LURAP1L: variants seen among roughly 807,000 people sequenced by gnomAD.
LURAP1L encodes leucine rich adaptor protein 1 like.
Under a neutral mutation model 13.8 loss-of-function variants are expected in LURAP1L, and 12 were observed. The ratio of observed to expected loss-of-function variants is 0.87; its 90% CI spans 0.56 to 1.41. The LOEUF is 1.41. Ranked by LOEUF, LURAP1L falls within the 40% of genes most tolerant of loss-of-function variation. LURAP1L has a pLI of 0.00. For synonymous variants in LURAP1L, 139 were observed against 119.2 expected, an observed-to-expected ratio of 1.17 and a Z score of -1.08; for missense variants, 375 against 292.9, an observed-to-expected ratio of 1.28 and a Z score of -2.04.
chr9:12,821,855 A>T lies in LURAP1L; in HGVS notation c.*95A>T, dbSNP rs528300337. 3 of 1,435,700 alleles carry T rather than the reference A, an allele frequency of 2.1e-6. No individual in the cohort carries two copies. The South Asian group carries it at 4.2e-5, about 20-fold the overall frequency. 88.9% of individuals were successfully genotyped at this position (1,435,700 alleles called of 1,614,324 possible). On this transcript the variant is annotated 3_prime_UTR_variant, in exon 2 of 2. Coordinates refer to ENST00000319264, the MANE Select transcript of LURAP1L (RefSeq NM_203403.2). ...TTGGTGTGATTTTTATTTTAATAAG[A>T]TGACCTTTTTAAAAGAAGCTGATTT...
At chr9:12,786,914 T>C (rs921161298) in intron 1 of LURAP1L, among the ~76,000 whole-genome samples, 3 of 151,996 alleles carry the variant, frequency 2.0e-5, no homozygotes, top group Admixed American at 1.3e-4. Flanking sequence ...CCTGATACAA[T>C]TGGACCCATC....
chr9:12,787,764 G>T (rs577078824), intron 1 of LURAP1L, among the ~76,000 whole-genome samples: 2 of 152,214 alleles, frequency 1.3e-5, no homozygotes, highest in Admixed American at 1.3e-4. Flanking sequence ...CACCGCGTGT[G>T]CCTGAAAGTC....
intron 1 of LURAP1L, among the ~76,000 whole-genome samples, chr9:12,799,529 A>C (rs1819555294): frequency 6.6e-6 from 1 of 152,224 alleles, no homozygotes; most frequent in Admixed American, 6.5e-5. Flanking sequence ...ACAAATTGTC[A>C]GTTTAATTAA....
intron 1 of LURAP1L, among the ~76,000 whole-genome samples, chr9:12,819,074 C>T (rs1819840278): frequency 6.6e-6 from 1 of 152,126 alleles, no homozygotes; most frequent in Non-Finnish European, 1.5e-5. Context: ...TCAGAAACCT[C>T]CTTCCTCAAC....
chr9:12,801,626 G>C (rs1049532132), intron 1 of LURAP1L, among the ~76,000 whole-genome samples: 2 of 152,154 alleles, frequency 1.3e-5, no homozygotes, highest in Non-Finnish European at 2.9e-5. Context: ...ATTTAAAACA[G>C]TATGTTTAGG....
intron 1 of LURAP1L, among the ~76,000 whole-genome samples, chr9:12,779,252 T>A (rs1055890409): frequency 2.7e-5 from 4 of 150,778 alleles, no homozygotes; most frequent in Admixed American, 6.6e-5. Context: ...ATTATCCCGT[T>A]GAAATCTTAT....
At chr9:12,797,676 T>C (rs2118504774) in intron 1 of LURAP1L, among the ~76,000 whole-genome samples, 1 of 152,290 alleles carries the variant, frequency 6.6e-6, no homozygotes, top group South Asian at 2.1e-4. Context: ...GATTTTATTT[T>C]AACTTCAGAA....
intron 1 of LURAP1L, among the ~76,000 whole-genome samples, chr9:12,782,975 A>T (rs1819293133): frequency 6.6e-6 from 1 of 152,004 alleles, no homozygotes; most frequent in Non-Finnish European, 1.5e-5. Flanking sequence ...ATTTGCAGTT[A>T]TTTTAAATGG....
intron 1 of LURAP1L, among the ~76,000 whole-genome samples, chr9:12,793,632 G>C (rs184693881): frequency 7.0e-4 from 107 of 152,110 alleles, no homozygotes; most frequent in African/African-American, 2.5e-3. Context: ...AAATCTTATG[G>C]GGATTCATAC....
At chr9:12,818,163 A>G (rs1367275544) in intron 1 of LURAP1L, among the ~76,000 whole-genome samples, 1 of 152,060 alleles carries the variant, frequency 6.6e-6, no homozygotes, top group Admixed American at 6.5e-5. Context: ...TTCTTATTTA[A>G]ATAAGTCATT....
intron 1 of LURAP1L, among the ~76,000 whole-genome samples, chr9:12,790,185 C>T (rs1214106770): frequency 3.3e-5 from 5 of 152,102 alleles, no homozygotes; most frequent in African/African-American, 1.2e-4. Context: ...ATTCTCTATA[C>T]ATGACTTCAT....
chr9:12,800,905 G>A lies in LURAP1L; in HGVS notation c.313-20481G>A, dbSNP rs144989049. Among the ~76,000 whole-genome samples, 3 of 152,280 alleles carry A rather than the reference G, an allele frequency of 2.0e-5. No individual in the cohort carries two copies. In the East Asian group the frequency reaches 5.8e-4, roughly 29 times the overall value. ...ACTTAGTAACCGGCAGCACAGCAGTGAGTTAAAGCTCCTGTCAAGTGCTTC... is the reference window on the plus strand; with the variant it reads ...ACTTAGTAACCGGCAGCACAGCAGTAAGTTAAAGCTCCTGTCAAGTGCTTC... On this transcript the variant is annotated intron_variant, in intron 1 of 1. Transcript: ENST00000319264.
intron 1 of LURAP1L, among the ~76,000 whole-genome samples, chr9:12,818,637 C>A (rs534439342): frequency 6.6e-6 from 1 of 152,080 alleles, no homozygotes; most frequent in Non-Finnish European, 1.5e-5. Flanking sequence ...GAGGCTGGAG[C>A]CCTCAAGTAG....
chr9:12,778,152 C>T (rs776760764), intron 1 of LURAP1L, among the ~76,000 whole-genome samples: 7 of 152,080 alleles, frequency 4.6e-5, no homozygotes, highest in African/African-American at 9.7e-5. Context: ...GTGGAAGCTT[C>T]GTAAGCTTTG....
At chr9:12,777,469 A>C in intron 1 of LURAP1L, 1 of 985,372 alleles carries the variant, frequency 1.0e-6, no homozygotes, top group Non-Finnish European at 1.2e-6. Context: ...TGAGGGACGA[A>C]GACATCAAGG....
chr9:12,804,318 G>T (rs1819626377), intron 1 of LURAP1L, among the ~76,000 whole-genome samples: 1 of 148,858 alleles, frequency 6.7e-6, no homozygotes, highest in Non-Finnish European at 1.5e-5. Flanking sequence ...TAAGATTTTT[G>T]TATGTGGCTC....
intron 1 of LURAP1L, among the ~76,000 whole-genome samples, chr9:12,785,756 GTAAGCAATAC>G (rs1819341711): frequency 6.6e-6 from 1 of 152,184 alleles, no homozygotes; most frequent in African/African-American, 2.4e-5. Flanking sequence ...GAGGGGCTGT[GTAAGCAATAC>G]AAGAGTCTTT....
intron 1 of LURAP1L, among the ~76,000 whole-genome samples, chr9:12,786,544 T>TATATATATA (rs1563888278): frequency 5.2e-5 from 1 of 19,282 alleles, no homozygotes; most frequent in African/African-American, 3.1e-4. Flanking sequence ...TGTATATATA[T>TATATATATA]GACATATATA....
Position 12,807,268 on chromosome 9 carries a change from AAACT to A in LURAP1L, c.313-14109_313-14106del, listed in dbSNP as rs373170809. Reference sequence around the variant, plus strand: ...GCGACAGAGCGAGACTCCATCTCAAAAACTAACTAACTGACTAACTAACTAACTA... The same window carrying A: ...GCGACAGAGCGAGACTCCATCTCAAAAACTAACTGACTAACTAACTAACTA... On this transcript the variant is annotated intron_variant, in intron 1 of 1. Transcript: ENST00000319264. Among the ~76,000 whole-genome samples the A allele has an allele frequency of 8.2e-3, 1,251 of 151,942 alleles. 15 individuals carry two copies. Among genetic ancestry groups the A allele is most frequent in the African/African-American group, 0.027 (1,118 of 41,438 alleles).
Sources: gnomAD v4.1 joint callset for allele counts (sites outside exome capture counted in the v4.1 genomes callset) on GRCh38, gnomAD v4.1.1 for gene constraint, MANE v1.5 for transcripts, NCBI Gene and HGNC (gene_info 2026-07-23, HGNC 2026-07-21) for gene names.